The following DNAH3 variants were observed in gnomAD, a reference collection of about 807,000 sequenced individuals.
DNAH3 encodes the protein axonemal beta dynein heavy chain 3.
In DNAH3, 332 loss-of-function variants were observed where a neutral mutation model predicts 432.5. That is an observed-to-expected ratio of 0.77 (90% CI 0.70 to 0.84). The LOEUF is 0.84. Ranked by LOEUF, DNAH3 falls within the 40% of genes least tolerant of loss-of-function variation. The pLI, the probability that DNAH3 is intolerant of heterozygous loss-of-function variation, is 0.00. For synonymous variants in DNAH3, 1,956 were observed against 1,900.2 expected (o/e 1.03, Z -0.76); for missense variants, 4,861 against 5,114.0 (o/e 0.95, Z 1.51).
intron 16 of DNAH3, among the ~76,000 whole-genome samples, chr16:21,099,735 T>C (rs1597375196): frequency 6.6e-6 from 1 of 152,220 alleles, no homozygotes; most frequent in East Asian, 1.9e-4. Context: ...AAGCTCAGAA[T>C]TGAGCCTGGT....
In DNAH3 at chr16:20,997,348, T is replaced by A. The variant is rs547056352; in HGVS notation, c.6536A>T (p.Asp2179Val). The A allele has an allele frequency of 1.9e-6, 3 of 1,614,076 alleles. No homozygotes were observed. In the African/African-American group the frequency reaches 4.0e-5, roughly 22 times the overall value. ...TGTCACGAGCAGCATGTCCACGATG[T>A]CCAGCCTGGTTGTGTCTTTTTTGTC... Residue 2179 changes from aspartate (D) to valine (V), a missense_variant, in exon 44 of 62, where the codon GAC (aspartate) becomes GTC (valine). By Grantham distance (152) the Asp-to-Val change is radical. Coordinates refer to ENST00000261383, the Ensembl canonical transcript of DNAH3.
At chr16:20,978,103 C>T (rs1252035644) in intron 50 of DNAH3, among the ~76,000 whole-genome samples, 1 of 152,188 alleles carries the variant, frequency 6.6e-6, no homozygotes, top group Non-Finnish European at 1.5e-5. Context: ...TTTCAGGTGG[C>T]TCTAAGAACA....
At chr16:20,956,622 T>G (rs2084577608) in intron 54 of DNAH3, among the ~76,000 whole-genome samples, 1 of 152,216 alleles carries the variant, frequency 6.6e-6, no homozygotes, top group South Asian at 2.1e-4. Flanking sequence ...AGTGTGTCAT[T>G]AATGGCCAAT....
chr16:21,152,630 G>A (rs562573943), intron 1 of DNAH3, among the ~76,000 whole-genome samples: 8 of 152,234 alleles, frequency 5.3e-5, no homozygotes, highest in Admixed American at 3.9e-4. Context: ...GGCTGCGCAC[G>A]GCGCTTGCGG....
In DNAH3 at chr16:21,040,802, T is replaced by C. The variant is rs118190662; in HGVS notation, c.4639-859A>G. 7.9e-5 allele frequency among the ~76,000 whole-genome samples: 12 copies of C among 152,300 alleles called. 1 individual carries two copies. The East Asian group carries it at 2.1e-3, about 27-fold the overall frequency. On this transcript the variant is annotated intron_variant, in intron 32 of 61. Coordinates refer to ENST00000261383, the Ensembl canonical transcript of DNAH3. ...ATAGAGTTATCATGAGAATAAATGA[T>C]AGAATGCAACTGAAGTGCTTGCAAG...
At chr16:21,023,059 CTTTA>C (rs1052968901) in intron 39 of DNAH3, among the ~76,000 whole-genome samples, 4 of 152,132 alleles carry the variant, frequency 2.6e-5, no homozygotes, top group African/African-American at 9.7e-5. Context: ...CTTTGTTATA[CTTTA>C]TTTGTGACTT....
chr16:20,963,137 C>G, intron 53 of DNAH3, 147 bp downstream of exon 53: 1 of 738,376 alleles, frequency 1.4e-6, no homozygotes, highest in East Asian at 2.7e-5. Context: ...CAGAAAAGGA[C>G]GAGTTCCGTG....
chr16:20,977,538 T>C (rs2085652253), intron 50 of DNAH3, among the ~76,000 whole-genome samples: 1 of 152,220 alleles, frequency 6.6e-6, no homozygotes, highest in Admixed American at 6.5e-5. Context: ...ACAGTTTTCA[T>C]GACCTTGCAC....
At chr16:21,000,095 T>C (rs974758807) in intron 43 of DNAH3, 129 bp downstream of exon 43, 1 of 945,972 alleles carries the variant, frequency 1.1e-6, no homozygotes, top group Non-Finnish European at 1.5e-6. Context: ...TAAGCTATAT[T>C]AACTGGAAAT....
At chr16:21,121,165 C>A in intron 10 of DNAH3, 1 of 457,804 alleles carries the variant, frequency 2.2e-6, no homozygotes. Context: ...GATCCCTTCC[C>A]TATATGGAAC....
intron 12 of DNAH3, among the ~76,000 whole-genome samples, chr16:21,115,388 TAAA>T (rs11460795): frequency 1.4e-5 from 2 of 141,262 alleles, no homozygotes; most frequent in Non-Finnish European, 3.1e-5. Context: ...GCTTAAAGTG[TAAA>T]AAAAAAAAAA....
rs1491194417 is a variant in DNAH3 at position 20,959,609 on chromosome 16, A to AC, written c.10601-206_10601-205insG. 2.4e-3 allele frequency among the ~76,000 whole-genome samples: 233 copies of AC among 98,854 alleles called. 3 individuals carry two copies. The highest frequency in any genetic ancestry group is 0.012 in the South Asian group (32 of 2,604). The allele number at this position is 98,854 out of a possible 152,430, so 64.9% of individuals were successfully genotyped here. ...ACACAGTGAGACCTTGTCTCTATTT[A>AC]AACACACACACACACACACACACAC... is the stretch of plus-strand genomic sequence containing the variant. On this transcript the variant is annotated intron_variant, in intron 53 of 61. Coordinates refer to ENST00000261383, the Ensembl canonical transcript of DNAH3.
At chr16:20,935,240 G>T in intron 61 of DNAH3, 108 bp downstream of exon 61, 1 of 1,324,290 alleles carries the variant, frequency 7.6e-7, no homozygotes, top group South Asian at 1.3e-5. Flanking sequence ...TACCATTTCA[G>T]AAGCATTTGG....
chr16:21,040,536 T>C (rs1182673075), intron 32 of DNAH3, among the ~76,000 whole-genome samples: 1 of 151,744 alleles, frequency 6.6e-6, no homozygotes, highest in Non-Finnish European at 1.5e-5. Flanking sequence ...CAGCTAATTT[T>C]TATATTTCTA....
intron 1 of DNAH3, among the ~76,000 whole-genome samples, chr16:21,148,468 C>A (rs75097428): frequency 2.7e-5 from 4 of 149,182 alleles, no homozygotes; most frequent in Non-Finnish European, 4.4e-5. Flanking sequence ...TCCAAGTTTT[C>A]GCTCTGTCGC....
At chr16:21,041,924 T>G (rs1892405503) in intron 32 of DNAH3, 103 bp downstream of exon 32, 3 of 1,356,814 alleles carry the variant, frequency 2.2e-6, no homozygotes, top group Middle Eastern at 2.5e-4. Context: ...TTGCCCACCT[T>G]GGCCTCCCAA....
chr16:21,005,580 T>A (rs2087256531), intron 41 of DNAH3, among the ~76,000 whole-genome samples: 1 of 152,084 alleles, frequency 6.6e-6, no homozygotes, highest in South Asian at 2.1e-4. Context: ...GGTCTTGCTA[T>A]GTTGCCCAGG....
At chr16:21,093,681 A>G (rs2091599496) in intron 18 of DNAH3, among the ~76,000 whole-genome samples, 3 of 152,244 alleles carry the variant, frequency 2.0e-5, no homozygotes, top group Admixed American at 2.0e-4. Context: ...AAGACTTTCT[A>G]TAAAAATACA....
intron 22 of DNAH3, among the ~76,000 whole-genome samples, chr16:21,070,116 G>T (rs977910234): frequency 6.6e-6 from 1 of 151,976 alleles, no homozygotes; most frequent in South Asian, 2.1e-4. Flanking sequence ...CCCTATCTTC[G>T]GGTAGCTTAC....
Sources: gnomAD v4.1 joint callset for allele counts (sites outside exome capture counted in the v4.1 genomes callset) on GRCh38, gnomAD v4.1.1 for gene constraint, MANE v1.5 for transcripts, NCBI Gene and HGNC (gene_info 2026-07-23, HGNC 2026-07-21) for gene names.